Variants in ATP11B observed in about 807,000 individuals in gnomAD.
The protein encoded by ATP11B is phospholipid-transporting ATPase IF.
Under a neutral mutation model 157.8 loss-of-function variants are expected in ATP11B, and 81 were observed. That is an observed-to-expected ratio of 0.51 (90% CI 0.43 to 0.62). The LOEUF (loss-of-function observed/expected upper bound fraction) is 0.62. ATP11B is among the 20% of genes least tolerant of loss of function. ATP11B has a pLI of 0.00. For missense variants in ATP11B, 1,165 were observed against 1,402.2 expected (o/e 0.83, Z 2.70); for synonymous variants, 451 against 469.4 (o/e 0.96, Z 0.51).
chr3:182,806,779 A>T (rs1716352874), intron 1 of ATP11B, among the ~76,000 whole-genome samples: 1 of 152,096 alleles, frequency 6.6e-6, no homozygotes. Context: ...TGGAGATCTT[A>T]AACATACTTA....
chr3:182,903,246 TAA>T (rs915263677), intron 28 of ATP11B, among the ~76,000 whole-genome samples: 22 of 152,312 alleles, frequency 1.4e-4, no homozygotes, highest in South Asian at 4.1e-4. Context: ...AAAAGTAATA[TAA>T]GTTATTATTT....
intron 18 of ATP11B, among the ~76,000 whole-genome samples, chr3:182,873,384 A>C (rs1721805404): frequency 6.6e-6 from 1 of 152,096 alleles, no homozygotes; most frequent in Admixed American, 6.5e-5. Context: ...GACTCACCTA[A>C]AGTTAGCTAG....
At chr3:182,848,951 T>C (rs1719753277) in intron 10 of ATP11B, among the ~76,000 whole-genome samples, 1 of 152,178 alleles carries the variant, frequency 6.6e-6, no homozygotes. Flanking sequence ...TTTAAGAGTA[T>C]AGCTTTTTGC....
chr3:182,869,681 GA>G lies in ATP11B; in HGVS notation c.1866+355del, dbSNP rs1577052964. 2.0e-5 allele frequency among the ~76,000 whole-genome samples: 3 copies of G among 152,264 alleles called. No homozygotes were observed. The East Asian group carries it at 5.8e-4, about 29-fold the overall frequency. ...AGATTATAAATGGTACAGCCACATT[GA>G]AAAATAATTTGGCTAAGTTCCTCAA... On this transcript the variant is annotated intron_variant, in intron 17 of 29. Coordinates refer to ENST00000323116, the MANE Select transcript of ATP11B (RefSeq NM_014616.3).
At chr3:182,917,019 C>A in intron 29 of ATP11B, 1 of 985,278 alleles carries the variant, frequency 1.0e-6, no homozygotes, top group Non-Finnish European at 1.2e-6. Flanking sequence ...GTGAACAAGT[C>A]CTTCCCTAAC....
At chr3:182,848,358 C>A in intron 9 of ATP11B, 118 bp from the exon 10 acceptor site, 1 of 556,076 alleles carries the variant, frequency 1.8e-6, no homozygotes, top group Non-Finnish European at 2.7e-6. Flanking sequence ...TAAAGAAAAG[C>A]AAAATTATAA....
intron 21 of ATP11B, 27 bp from the exon 22 acceptor site, chr3:182,884,726 A>G: frequency 6.4e-7 from 1 of 1,569,474 alleles, no homozygotes; most frequent in Non-Finnish European, 8.6e-7. Flanking sequence ...TTATCAGTGA[A>G]CATGTCTTTT....
chr3:182,867,201 TGACAGGC>T (rs1490761984), intron 14 of ATP11B, among the ~76,000 whole-genome samples, 168 bp from the exon 15 acceptor site: 1,994 of 152,258 alleles, frequency 0.013, 42 homozygotes, highest in African/African-American at 0.047. Flanking sequence ...AGTGCTGGGA[TGACAGGC>T]ATGAGCCACC....
chr3:182,868,079 A>G (rs760449652), intron 15 of ATP11B, among the ~76,000 whole-genome samples: 4 of 152,038 alleles, frequency 2.6e-5, no homozygotes, highest in Admixed American at 1.3e-4. Flanking sequence ...ATTTTAACTT[A>G]ATGATTCTTG....
At chr3:182,910,393 T>C (rs2108594080) in intron 28 of ATP11B, among the ~76,000 whole-genome samples, 1 of 152,086 alleles carries the variant, frequency 6.6e-6, no homozygotes, top group Admixed American at 6.5e-5. Context: ...CTGGGCCGTA[T>C]AGTAAGACCC....
chr3:182,866,511 A>G (rs1311236547), intron 14 of ATP11B, 68 bp downstream of exon 14: 17 of 1,282,028 alleles, frequency 1.3e-5, no homozygotes, highest in Non-Finnish European at 1.7e-5. Context: ...TATTAGAATC[A>G]TCATTTAAAA....
At chr3:182,914,385 A>T in intron 29 of ATP11B, 1 of 987,050 alleles carries the variant, frequency 1.0e-6, no homozygotes, top group Non-Finnish European at 1.2e-6. Context: ...TTACAAAATA[A>T]TCTCAACATA....
intron 12 of ATP11B, among the ~76,000 whole-genome samples, chr3:182,860,457 G>A (rs1234275305): frequency 3.9e-5 from 6 of 152,272 alleles, no homozygotes; most frequent in African/African-American, 1.2e-4. Context: ...ATTCATGATG[G>A]TGTACCTTGG....
At chr3:182,882,566 G>T (rs1338322796) in intron 21 of ATP11B, among the ~76,000 whole-genome samples, 1 of 151,446 alleles carries the variant, frequency 6.6e-6, no homozygotes, top group Non-Finnish European at 1.5e-5. Flanking sequence ...AATTCAAGAT[G>T]GATTAGGATT....
chr3:182,910,577 A>G (rs1453282726), intron 28 of ATP11B, among the ~76,000 whole-genome samples: 1 of 152,194 alleles, frequency 6.6e-6, no homozygotes, highest in African/African-American at 2.4e-5. Flanking sequence ...CCTGTCTCTA[A>G]AAATAATAAA....
rs535312545 is a variant in ATP11B at position 182,799,533 on chromosome 3, C to T, written c.27+5747C>T. Among the ~76,000 whole-genome samples, 6 of 152,232 alleles carry T rather than the reference C, an allele frequency of 3.9e-5. No individual in the cohort carries two copies. The South Asian group carries it at 6.2e-4, about 16-fold the overall frequency. On this transcript the variant is annotated intron_variant, in intron 1 of 29. Coordinates refer to ENST00000323116, the MANE Select transcript of ATP11B (RefSeq NM_014616.3). ...CTCATGATCCGCCCGCCTCGGCCTC[C>T]GGAAGTGCTGGGATTACAGGCGTCA...
chr3:182,831,159 C>T (rs1718107425), intron 4 of ATP11B, among the ~76,000 whole-genome samples: 4 of 152,156 alleles, frequency 2.6e-5, no homozygotes, highest in Admixed American at 2.0e-4. Flanking sequence ...ACAAGAATCT[C>T]AAACATGACT....
intron 28 of ATP11B, among the ~76,000 whole-genome samples, chr3:182,901,539 A>G (rs1336750837): frequency 1.3e-5 from 2 of 152,120 alleles, no homozygotes; most frequent in Admixed American, 6.5e-5. Context: ...TCATGTCTGC[A>G]CTCAAAAAGT....
rs575000391 is a variant in ATP11B, at chr3:182,869,218, T to A, written c.1763-10T>A. ...TTAAGAGTCTGATAACTCATTTTTT[T>A]TGTCTCTAGGTGAGAAGTTATTATT... On this transcript the variant is annotated splice_polypyrimidine_tract_variant and intron_variant, in intron 16 of 29. Transcript: ENST00000323116. 9 of 1,602,462 alleles carry A rather than the reference T, an allele frequency of 5.6e-6. No individual in the cohort carries two copies. Among genetic ancestry groups the A allele is most frequent in the South Asian group, 1.1e-5 (1 of 89,328 alleles).
Sources: allele counts gnomAD v4.1 joint callset (sites outside exome capture counted in the v4.1 genomes callset), GRCh38; gene constraint gnomAD v4.1.1; transcripts MANE v1.5; gene names NCBI Gene and HGNC (gene_info 2026-07-23, HGNC 2026-07-21).